The following DPYD variants were observed in gnomAD, a reference collection of about 807,000 sequenced individuals.
DPYD encodes the protein dihydropyrimidine dehydrogenase [NADP(+)].
In DPYD, 109 loss-of-function variants were observed where a neutral mutation model predicts 116.2. The ratio of observed to expected loss-of-function variants is 0.94; its 90% confidence interval spans 0.80 to 1.10. The LOEUF (loss-of-function observed/expected upper bound fraction) is 1.10. Ranked by LOEUF, DPYD falls within the 50% of genes least tolerant of loss-of-function variation. DPYD has a pLI of 0.00. For synonymous variants in DPYD, 440 were observed against 432.0 expected, an observed-to-expected ratio of 1.02 and a Z score of -0.23; for missense variants, 1,302 against 1,254.5, an observed-to-expected ratio of 1.04 and a Z score of -0.57.
intron 20 of DPYD, among the ~76,000 whole-genome samples, chr1:97,168,793 C>A (rs959619242): frequency 1.3e-5 from 2 of 151,912 alleles, no homozygotes; most frequent in Non-Finnish European, 1.5e-5. Context: ...TGATTAGGCA[C>A]TACACCTGAC....
chr1:97,590,045 G>A (rs1234020240), intron 10 of DPYD, among the ~76,000 whole-genome samples: 1 of 152,130 alleles, frequency 6.6e-6, no homozygotes, highest in Non-Finnish European at 1.5e-5. Context: ...AGTAGATAAT[G>A]ATATTGGACC....
chr1:97,342,723 C>T (rs55862607), intron 16 of DPYD, among the ~76,000 whole-genome samples: 5,320 of 152,162 alleles, frequency 0.035, 304 homozygotes, highest in African/African-American at 0.12. Context: ...CTAAAAGATA[C>T]ATTTGTGTTG....
At chr1:97,282,277 T>A (rs1665376037) in intron 18 of DPYD, among the ~76,000 whole-genome samples, 1 of 152,128 alleles carries the variant, frequency 6.6e-6, no homozygotes, top group Non-Finnish European at 1.5e-5. Flanking sequence ...TTCATATTCG[T>A]CTTCTAATTT....
chr1:97,814,706 C>T (rs953060263), intron 3 of DPYD, among the ~76,000 whole-genome samples: 1 of 151,870 alleles, frequency 6.6e-6, no homozygotes, highest in African/African-American at 2.4e-5. Flanking sequence ...CCAGGAATCT[C>T]CAGCCTGGCC....
intron 1 of DPYD, among the ~76,000 whole-genome samples, chr1:97,916,162 T>C (rs764977758): frequency 3.9e-5 from 6 of 152,202 alleles, no homozygotes; most frequent in Admixed American, 6.5e-5. Context: ...AGTGTCCTTA[T>C]CAATTCCTTA....
chr1:97,349,651 C>T (rs1365540451), intron 16 of DPYD, among the ~76,000 whole-genome samples: 1 of 152,088 alleles, frequency 6.6e-6, no homozygotes, highest in Non-Finnish European at 1.5e-5. Context: ...CCAGGTTCAT[C>T]CATGTCCCTG....
chr1:97,321,066 C>A (rs1415220898), intron 16 of DPYD, among the ~76,000 whole-genome samples: 1 of 100,850 alleles, frequency 9.9e-6, no homozygotes, highest in Non-Finnish European at 1.9e-5. Flanking sequence ...TTCCTTACAC[C>A]TTATACAAAA....
At chr1:97,255,383 T>A (rs777754617) in intron 18 of DPYD, among the ~76,000 whole-genome samples, 11 of 152,184 alleles carry the variant, frequency 7.2e-5, no homozygotes, top group Non-Finnish European at 1.2e-4. Flanking sequence ...TTCCCACATG[T>A]TGTGGGAGGG....
chr1:97,859,699 G>A (rs1289026190), intron 2 of DPYD, among the ~76,000 whole-genome samples: 1 of 151,972 alleles, frequency 6.6e-6, no homozygotes, highest in Non-Finnish European at 1.5e-5. Context: ...CAACGACAAG[G>A]ATTCCTTTCT....
intron 12 of DPYD, among the ~76,000 whole-genome samples, chr1:97,543,076 T>C (rs763926945): frequency 3.3e-5 from 5 of 152,320 alleles, no homozygotes; most frequent in Non-Finnish European, 4.4e-5. Flanking sequence ...CTTTCTTTCA[T>C]AATCTTCTGC....
Position 97,863,337 on chromosome 1 carries a change from G to C in DPYD, c.150+19927C>G, listed in dbSNP as rs549944531. On this transcript the variant is annotated intron_variant, in intron 2 of 22. Transcript: ENST00000370192. ...GGGAAACAGCAGTTACTATTTGGGA[G>C]ATTATAAATTGGTAATGCCTTTCTA... 3.3e-5 allele frequency among the ~76,000 whole-genome samples: 5 copies of C among 152,028 alleles called. No homozygotes were observed. In the South Asian group the frequency reaches 1.0e-3, roughly 32 times the overall value.
rs540881561 is a variant in DPYD at position 97,097,319 on chromosome 1, AT to A, written c.2766+1169del. On this transcript the variant is annotated intron_variant, in intron 21 of 22. Coordinates refer to ENST00000370192, the MANE Select transcript of DPYD (RefSeq NM_000110.4). ...GACCACTGTTTTTAGCATGAGATACATTTTTTTTTTCTTCATAGGTAGAAGG... is the reference window on the plus strand; with the variant it reads ...GACCACTGTTTTTAGCATGAGATACATTTTTTTTTCTTCATAGGTAGAAGG... Among the ~76,000 whole-genome samples, 1,044 of 149,882 alleles carry A rather than the reference AT, an allele frequency of 7.0e-3. 11 individuals are homozygous for A. The highest frequency in any genetic ancestry group is 0.024 in the African/African-American group (969 of 40,974).
intron 20 of DPYD, among the ~76,000 whole-genome samples, chr1:97,112,330 A>C (rs1378968501): frequency 6.6e-6 from 1 of 152,124 alleles, no homozygotes; most frequent in African/African-American, 2.4e-5. Flanking sequence ...GACTGCATAC[A>C]CTGTATAAAG....
intron 10 of DPYD, among the ~76,000 whole-genome samples, chr1:97,576,976 A>G (rs922855278): frequency 6.6e-6 from 1 of 152,258 alleles, no homozygotes; most frequent in Non-Finnish European, 1.5e-5. Context: ...TTAAAGAAAA[A>G]ATAGTAATAT....
chr1:97,100,908 A>T (rs1457186941), intron 20 of DPYD, among the ~76,000 whole-genome samples: 9 of 152,066 alleles, frequency 5.9e-5, no homozygotes, highest in African/African-American at 2.2e-4. Flanking sequence ...CATTTGCCAT[A>T]CATAAATTAT....
intron 16 of DPYD, among the ~76,000 whole-genome samples, chr1:97,333,243 T>C (rs1400150491): frequency 6.6e-6 from 1 of 151,366 alleles, no homozygotes; most frequent in Non-Finnish European, 1.5e-5. Context: ...ATTTTAATAT[T>C]TGGTATTTCT....
At chr1:97,808,702 A>G (rs141779357) in intron 3 of DPYD, among the ~76,000 whole-genome samples, 98 of 151,980 alleles carry the variant, frequency 6.4e-4, no homozygotes, top group African/African-American at 2.3e-3. Context: ...CTTGTTCCCA[A>G]TCTTACCAGG....
rs1290544872 is a variant in DPYD at position 97,587,440 on chromosome 1, G to A, written c.1128+5778C>T. On this transcript the variant is annotated intron_variant, in intron 10 of 22. Transcript: ENST00000370192. ...ACTTTTAGTAAATAAAATTAAATTT[G>A]TCAGCTTATGGGGGCTATTTTCTAA... Among the ~76,000 whole-genome samples the A allele has an allele frequency of 9.2e-5, 14 of 152,124 alleles. No individual in the cohort carries two copies. In the South Asian group the frequency reaches 1.0e-3, roughly 11 times the overall value.
chr1:97,237,132 C>A lies in DPYD; in HGVS notation c.2300-2138G>T, dbSNP rs1308934277. On this transcript the variant is annotated intron_variant, in intron 18 of 22. Coordinates refer to ENST00000370192, the MANE Select transcript of DPYD (RefSeq NM_000110.4). Reference sequence around the variant, plus strand: ...GGCGGGCGCCTGTAATCCCAGCTACCCAGGAGGCTGAGGCAGGAGAATTGC... The same window carrying A: ...GGCGGGCGCCTGTAATCCCAGCTACACAGGAGGCTGAGGCAGGAGAATTGC... 5.3e-5 allele frequency among the ~76,000 whole-genome samples: 8 copies of A among 150,096 alleles called. 1 individual carries two copies. In the East Asian group the frequency reaches 1.4e-3, roughly 26 times the overall value.
Sources: allele counts gnomAD v4.1 joint callset (sites outside exome capture counted in the v4.1 genomes callset), GRCh38; gene constraint gnomAD v4.1.1; transcripts MANE v1.5; gene names NCBI Gene and HGNC (gene_info 2026-07-23, HGNC 2026-07-21).